The following ZNF804B variants were observed in gnomAD, a reference collection of about 807,000 sequenced individuals.
The protein encoded by ZNF804B is zinc finger protein 804B, also known as zinc finger 804B.
ZNF804B carries 80 observed loss-of-function variants against 101.4 expected under a neutral mutation model. The observed-to-expected ratio is 0.79, with a 90% CI of 0.66 to 0.95. ZNF804B has a LOEUF of 0.95. Ranked by LOEUF, ZNF804B falls within the 40% of genes least tolerant of loss-of-function variation. The probability of loss-of-function intolerance (pLI) is 0.00; values close to 1 mark genes in which losing one functional copy is unlikely to be tolerated. For missense variants in ZNF804B, 1,673 were observed against 1,561.9 expected (o/e 1.07, Z -1.20); for synonymous variants, 622 against 558.8 (o/e 1.11, Z -1.59).
At chr7:89,256,194 A>T (rs1789629548) in intron 2 of ZNF804B, among the ~76,000 whole-genome samples, 1 of 152,164 alleles carries the variant, frequency 6.6e-6, no homozygotes, top group Non-Finnish European at 1.5e-5. Context: ...GACTTTTACA[A>T]TATTCTATTC....
At chr7:88,815,050 G>GTA (rs886157801) in intron 1 of ZNF804B, among the ~76,000 whole-genome samples, 24 of 148,332 alleles carry the variant, frequency 1.6e-4, no homozygotes, top group Non-Finnish European at 2.4e-4. Flanking sequence ...GTGTGTGTGT[G>GTA]TATATATTCT....
chr7:89,155,970 CTCTCTT>C (rs1325566223), intron 1 of ZNF804B, among the ~76,000 whole-genome samples: 1 of 150,686 alleles, frequency 6.6e-6, no homozygotes, highest in Non-Finnish European at 1.5e-5. Context: ...CTCTGTCTCT[CTCTCTT>C]TCCTTCCTTC....
chr7:88,833,396 A>G (rs911670190), intron 1 of ZNF804B, among the ~76,000 whole-genome samples: 1 of 151,912 alleles, frequency 6.6e-6, no homozygotes. Context: ...CTTGTAAGGC[A>G]GTAGTGAGGG....
At chr7:89,257,064 G>A (rs1280884187) in intron 2 of ZNF804B, among the ~76,000 whole-genome samples, 1 of 152,156 alleles carries the variant, frequency 6.6e-6, no homozygotes. Flanking sequence ...GCTGCTCCTA[G>A]TGTGTTACTA....
intron 1 of ZNF804B, among the ~76,000 whole-genome samples, chr7:89,120,518 C>T (rs981212900): frequency 1.3e-5 from 2 of 151,236 alleles, no homozygotes; most frequent in African/African-American, 2.4e-5. Context: ...ATTAGCCGGG[C>T]GTGGTGGTGG....
chr7:89,045,413 A>G lies in ZNF804B; in HGVS notation c.109-172742A>G, dbSNP rs568181341. Among the ~76,000 whole-genome samples, 6 of 152,328 alleles carry G rather than the reference A, an allele frequency of 3.9e-5. 1 individual carries two copies. Among genetic ancestry groups the G allele is most frequent in the Admixed American group, 3.9e-4 (6 of 15,304 alleles). ...TGTTAGAAAAGGACCACCATTCTCCAGACCCCAGAATGTTAGATCCACTGA... is the reference window on the plus strand; with the variant it reads ...TGTTAGAAAAGGACCACCATTCTCCGGACCCCAGAATGTTAGATCCACTGA... On this transcript the variant is annotated intron_variant, in intron 1 of 3. Coordinates refer to ENST00000333190, the MANE Select transcript of ZNF804B (RefSeq NM_181646.5).
intron 1 of ZNF804B, among the ~76,000 whole-genome samples, chr7:89,171,285 G>GCTGCTGCTGCTGCTGCTT (rs1791222073): frequency 4.6e-5 from 3 of 64,696 alleles, no homozygotes; most frequent in Admixed American, 1.4e-4. Context: ...TAATGCTGCT[G>GCTGCTGCTGCTGCTGCTT]CTGCTTCTTC....
At chr7:89,218,051 G>T (rs1351449924) in intron 1 of ZNF804B, 104 bp from the exon 2 acceptor site, 9 of 1,147,774 alleles carry the variant, frequency 7.8e-6, no homozygotes, top group Non-Finnish European at 1.1e-5. Context: ...AAAACAATGT[G>T]CTCCGTCATA....
At chr7:89,294,849 A>AT (rs963276905) in intron 2 of ZNF804B, among the ~76,000 whole-genome samples, 1 of 151,728 alleles carries the variant, frequency 6.6e-6, no homozygotes, top group African/African-American at 2.4e-5. Flanking sequence ...TTCTATCTAC[A>AT]TTTTTTCCTT....
At chr7:88,991,349 G>T (rs1554352510) in intron 1 of ZNF804B, among the ~76,000 whole-genome samples, 1 of 152,088 alleles carries the variant, frequency 6.6e-6, no homozygotes, top group Non-Finnish European at 1.5e-5. Flanking sequence ...TCAGGTTGTG[G>T]TTCCTGTGTA....
intron 1 of ZNF804B, among the ~76,000 whole-genome samples, chr7:88,911,273 C>A (rs1427142459): frequency 6.6e-6 from 1 of 151,626 alleles, no homozygotes; most frequent in Non-Finnish European, 1.5e-5. Flanking sequence ...TAAAATGATG[C>A]TTTTTTTAAT....
At chr7:89,283,284 T>C (rs186345500) in intron 2 of ZNF804B, among the ~76,000 whole-genome samples, 122 of 152,202 alleles carry the variant, frequency 8.0e-4, no homozygotes, top group Non-Finnish European at 1.3e-3. Context: ...TAAAATGTGG[T>C]ATTGAGAAGC....
chr7:88,935,150 C>T (rs1279610790), intron 1 of ZNF804B, among the ~76,000 whole-genome samples: 1 of 151,368 alleles, frequency 6.6e-6, no homozygotes, highest in Admixed American at 6.6e-5. Context: ...GATTGGAGGC[C>T]ATTATTCTAG....
At chr7:89,229,257 G>C (rs986648811) in intron 2 of ZNF804B, among the ~76,000 whole-genome samples, 72 of 152,336 alleles carry the variant, frequency 4.7e-4, no homozygotes, top group African/African-American at 1.6e-3. Context: ...AGTGAGCGAG[G>C]GCTGTGAGGA....
chr7:89,295,979 T>G (rs1790376021), intron 2 of ZNF804B, among the ~76,000 whole-genome samples: 1 of 152,084 alleles, frequency 6.6e-6, no homozygotes, highest in Non-Finnish European at 1.5e-5. Flanking sequence ...AGTGGTATAA[T>G]GGACTTTAGA....
intron 1 of ZNF804B, among the ~76,000 whole-genome samples, chr7:89,086,743 A>AAGT (rs1325979457): frequency 2.7e-4 from 41 of 152,126 alleles, no homozygotes; most frequent in African/African-American, 9.1e-4. Flanking sequence ...ATGCCTTTTC[A>AAGT]GAGTTTGCTA....
chr7:89,292,522 C>G (rs915366324), intron 2 of ZNF804B, among the ~76,000 whole-genome samples: 2 of 151,674 alleles, frequency 1.3e-5, no homozygotes, highest in Non-Finnish European at 2.9e-5. Flanking sequence ...ATTTGCAAGC[C>G]TCATGGTAAC....
rs750196062 is a variant in ZNF804B, at chr7:89,335,351, C to A, written c.2369C>A (p.Ser790Ter). The A allele has an allele frequency of 1.1e-5, 17 of 1,613,580 alleles. No homozygotes were observed. The highest frequency in any genetic ancestry group is 1.4e-5 in the Non-Finnish European group (16 of 1,179,890). Reference protein sequence around the residue: ...QKERNCKLWESFKNEKYSKRR... With the variant: ...QKERNCKLWE ...GAGAGGAACTGCAAATTGTGGGAAT[C>A]ATTTAAAAATGAAAAATACTCAAAA... The change falls in exon 4 of 4, where the codon TCA becomes TAA. Residue 790 changes from serine to a stop codon, truncating the protein, a stop_gained. Transcript: ENST00000333190. LOFTEE classifies it high-confidence loss of function.
intron 1 of ZNF804B, among the ~76,000 whole-genome samples, chr7:89,042,259 G>A (rs1002620466): frequency 2.0e-5 from 3 of 152,136 alleles, no homozygotes; most frequent in Non-Finnish European, 4.4e-5. Context: ...GGATAATAAT[G>A]TAACAGTGTT....
Sources: gnomAD v4.1 joint callset for allele counts (sites outside exome capture counted in the v4.1 genomes callset) on GRCh38, gnomAD v4.1.1 for gene constraint, MANE v1.5 for transcripts, NCBI Gene and HGNC (gene_info 2026-07-23, HGNC 2026-07-21) for gene names.